Variants in VPS54 observed in about 807,000 individuals in gnomAD.
The protein encoded by VPS54 is vacuolar protein sorting-associated protein 54.
In VPS54, 45 loss-of-function variants were observed where a neutral mutation model predicts 121.5. The observed-to-expected ratio is 0.37, with a 90% CI of 0.29 to 0.47. The LOEUF (loss-of-function observed/expected upper bound fraction) is 0.47, where lower values mean the gene tolerates loss of function less well. Ranked by LOEUF, VPS54 falls within the 20% of genes least tolerant of loss-of-function variation. The pLI is 0.99. For synonymous variants in VPS54, 371 were observed against 385.8 expected, an observed-to-expected ratio of 0.96 and a Z score of 0.45; for missense variants, 1,090 against 1,131.4, an observed-to-expected ratio of 0.96 and a Z score of 0.52.
At chr2:63,979,142 C>CT (rs2104607399) in intron 3 of VPS54, among the ~76,000 whole-genome samples, 1 of 104,710 alleles carries the variant, frequency 9.6e-6, no homozygotes, top group Admixed American at 1.0e-4. Flanking sequence ...AAAGGCTTAT[C>CT]GAGTTTATCT....
chr2:63,952,350 A>G (rs750862812), intron 7 of VPS54, among the ~76,000 whole-genome samples: 12 of 152,180 alleles, frequency 7.9e-5, no homozygotes, highest in Non-Finnish European at 1.5e-4. Flanking sequence ...ATATGTTTAT[A>G]TCTCAGGGAA....
At chr2:63,903,941 GAC>G (rs1575886244) in intron 20 of VPS54, among the ~76,000 whole-genome samples, 1 of 152,068 alleles carries the variant, frequency 6.6e-6, no homozygotes, top group East Asian at 1.9e-4. Context: ...GTCAATGAAA[GAC>G]AGTAATTGTC....
intron 1 of VPS54, among the ~76,000 whole-genome samples, chr2:63,988,497 G>A (rs1451728372): frequency 6.6e-6 from 1 of 152,168 alleles, no homozygotes; most frequent in Non-Finnish European, 1.5e-5. Flanking sequence ...AGCCATGGCA[G>A]AAGAACATAA....
rs188633633 is a variant in VPS54 at position 63,964,924 on chromosome 2, T to C, written c.624+911A>G. Among the ~76,000 whole-genome samples the C allele has an allele frequency of 2.6e-5, 4 of 152,318 alleles. No individual in the cohort carries two copies. In the East Asian group the frequency reaches 7.7e-4, roughly 29 times the overall value. On this transcript the variant is annotated intron_variant, in intron 6 of 22. Transcript: ENST00000272322. ...GAGATCAAATGTCTTTAGAAGACTC[T>C]TGATAAGTAAATTATATTTAAAGAT...
rs1180699629 is a variant in VPS54 at position 63,972,251 on chromosome 2, A to G, written c.379-7T>C. On this transcript the variant is annotated splice_region_variant and splice_polypyrimidine_tract_variant and intron_variant, in intron 3 of 22. Coordinates refer to ENST00000272322, the MANE Select transcript of VPS54 (RefSeq NM_016516.3). ...TCTCATGAATCTTCTCTCTCTAATA[A>G]AAAGACAAATAACATCATCAATGTA... 3 of 1,575,144 alleles carry G rather than the reference A, an allele frequency of 1.9e-6. No individual in the cohort carries two copies. The highest frequency in any genetic ancestry group is 2.6e-6 in the Non-Finnish European group (3 of 1,152,398).
chr2:63,980,955 G>A (rs1676776170), intron 3 of VPS54, among the ~76,000 whole-genome samples: 1 of 152,006 alleles, frequency 6.6e-6, no homozygotes, highest in Admixed American at 6.5e-5. Context: ...TGAACCAGAT[G>A]CTATATAGTA....
intron 7 of VPS54, among the ~76,000 whole-genome samples, chr2:63,960,885 T>C (rs13396651): frequency 1.5e-3 from 223 of 152,246 alleles, no homozygotes; most frequent in African/African-American, 4.9e-3. Context: ...GATTGCAAAA[T>C]TTTATGTACA....
At chr2:63,907,579 G>A (rs1278541983) in intron 20 of VPS54, among the ~76,000 whole-genome samples, 1 of 150,498 alleles carries the variant, frequency 6.6e-6, no homozygotes, top group Non-Finnish European at 1.5e-5. Flanking sequence ...AGCATGAACA[G>A]AAAATAAATA....
chr2:63,951,796 T>C (rs1675262108), intron 7 of VPS54, among the ~76,000 whole-genome samples: 1 of 152,160 alleles, frequency 6.6e-6, no homozygotes, highest in East Asian at 1.9e-4. Context: ...TTTTCCAATA[T>C]ATTTACTGAA....
intron 7 of VPS54, among the ~76,000 whole-genome samples, chr2:63,961,653 A>T (rs1247507111): frequency 5.3e-5 from 8 of 152,256 alleles, no homozygotes; most frequent in Non-Finnish European, 1.0e-4. Context: ...ACTGCAAATC[A>T]GAAATGAATT....
intron 1 of VPS54, among the ~76,000 whole-genome samples, chr2:64,010,204 T>C (rs984257298): frequency 6.6e-6 from 1 of 152,198 alleles, no homozygotes; most frequent in Non-Finnish European, 1.5e-5. Context: ...TGAGAAAACA[T>C]GGATAAAGTG....
At chr2:63,974,478 C>G (rs1676427006) in intron 3 of VPS54, among the ~76,000 whole-genome samples, 1 of 152,096 alleles carries the variant, frequency 6.6e-6, no homozygotes, top group South Asian at 2.1e-4. Flanking sequence ...TCCAAGAAAC[C>G]AACTGCTAGG....
intron 6 of VPS54, among the ~76,000 whole-genome samples, chr2:63,963,854 ATTTATAT>A: frequency 6.6e-6 from 1 of 152,164 alleles, no homozygotes; most frequent in Non-Finnish European, 1.5e-5. Flanking sequence ...CCAGAATGTG[ATTTATAT>A]GCTGCTGCCA....
chr2:63,935,221 C>T (rs897340335), intron 11 of VPS54, among the ~76,000 whole-genome samples: 1 of 152,172 alleles, frequency 6.6e-6, no homozygotes, highest in African/African-American at 2.4e-5. Flanking sequence ...GCTAATAAAT[C>T]CTCTTAACTG....
At chr2:63,927,427 G>A (rs889054511) in intron 12 of VPS54, among the ~76,000 whole-genome samples, 1 of 152,166 alleles carries the variant, frequency 6.6e-6, no homozygotes, top group South Asian at 2.1e-4. Context: ...GGATGTGACT[G>A]TTGGAAGGAA....
intron 14 of VPS54, 62 bp downstream of exon 14, chr2:63,920,384 T>C: frequency 7.4e-7 from 1 of 1,359,690 alleles, no homozygotes; most frequent in Non-Finnish European, 9.5e-7. Flanking sequence ...CTTTTAAACA[T>C]AACTGTGTTT....
At chr2:63,905,654 A>C (rs1489501002) in intron 20 of VPS54, among the ~76,000 whole-genome samples, 1 of 152,176 alleles carries the variant, frequency 6.6e-6, no homozygotes, top group Non-Finnish European at 1.5e-5. Context: ...GAAATATAGG[A>C]GGAAGAATAC....
intron 6 of VPS54, among the ~76,000 whole-genome samples, chr2:63,964,772 T>C (rs1242430988): frequency 2.6e-5 from 4 of 152,230 alleles, no homozygotes; most frequent in African/African-American, 9.6e-5. Flanking sequence ...ATATTATTGA[T>C]GTCTTCCTGA....
At chr2:63,981,583 A>C (rs1049371431) in intron 3 of VPS54, 63 bp downstream of exon 3, 24 of 1,493,514 alleles carry the variant, frequency 1.6e-5, no homozygotes, top group South Asian at 1.1e-4. Context: ...TCTATAATAA[A>C]GCATACTAAA....
Sources: gnomAD v4.1 joint callset for allele counts (sites outside exome capture counted in the v4.1 genomes callset) on GRCh38, gnomAD v4.1.1 for gene constraint, MANE v1.5 for transcripts, NCBI Gene and HGNC (gene_info 2026-07-23, HGNC 2026-07-21) for gene names.